Variants in SLC1A2 observed in about 807,000 individuals in gnomAD.
SLC1A2 encodes solute carrier family 1 member 2, also known as excitatory amino acid transporter 2.
SLC1A2 carries 15 observed loss-of-function variants against 48.8 expected under a neutral mutation model. That is an observed-to-expected ratio of 0.31 (90% CI 0.21 to 0.47). SLC1A2 has a LOEUF of 0.47. Ranked by LOEUF, SLC1A2 falls within the 20% of genes least tolerant of loss-of-function variation. The pLI is 0.99. For missense variants in SLC1A2, 502 were observed against 730.5 expected (o/e 0.69, Z 3.61); for synonymous variants, 279 against 272.6 (o/e 1.02, Z -0.23).
At chr11:35,286,524 A>G in intron 8 of SLC1A2, 3 of 367,396 alleles carry the variant, frequency 8.2e-6, no homozygotes, top group Non-Finnish European at 1.5e-5. Flanking sequence ...ATCAAATAAT[A>G]TCCAATTTCT....
chr11:35,319,397 G>A (rs1851987893), intron 1 of SLC1A2, among the ~76,000 whole-genome samples: 1 of 152,206 alleles, frequency 6.6e-6, no homozygotes, highest in Non-Finnish European at 1.5e-5. Flanking sequence ...AAAGAATGGA[G>A]GTAGTATGCG....
intron 1 of SLC1A2, among the ~76,000 whole-genome samples, chr11:35,319,265 T>A (rs150141199): frequency 2.9e-4 from 44 of 152,292 alleles, no homozygotes; most frequent in African/African-American, 1.1e-3. Context: ...CAGGGGGAAA[T>A]GATCAAAATG....
chr11:35,321,756 A>T (rs1198906002), intron 1 of SLC1A2, among the ~76,000 whole-genome samples: 2 of 152,154 alleles, frequency 1.3e-5, no homozygotes, highest in Non-Finnish European at 2.9e-5. Flanking sequence ...GAAAGTGCCA[A>T]ATCTGGTCTG....
intron 1 of SLC1A2, chr11:35,418,671 A>G: frequency 4.0e-6 from 2 of 495,908 alleles, no homozygotes; most frequent in East Asian, 3.7e-5. Context: ...AGTAACCTCA[A>G]GAGGATTTCT....
chr11:35,363,286 G>C (rs1438820422), intron 1 of SLC1A2, among the ~76,000 whole-genome samples: 1 of 152,146 alleles, frequency 6.6e-6, no homozygotes, highest in Non-Finnish European at 1.5e-5. Flanking sequence ...GACAATTTTG[G>C]GGTTGTTCCA....
At chr11:35,366,295 C>A (rs1853847833) in intron 1 of SLC1A2, among the ~76,000 whole-genome samples, 1 of 152,122 alleles carries the variant, frequency 6.6e-6, no homozygotes, top group South Asian at 2.1e-4. Context: ...CGTCCCTCCT[C>A]TCTGTCCCTC....
intron 10 of SLC1A2, chr11:35,261,932 C>T: frequency 2.6e-6 from 1 of 389,222 alleles, no homozygotes; most frequent in Admixed American, 4.5e-5. Flanking sequence ...TATCCAATCC[C>T]CATTAGCCCC....
At position 35,306,205 on chromosome 11, in the gene SLC1A2, G is replaced by A. The variant is rs200531195; in HGVS notation, c.599C>T (p.Pro200Leu). 8 of 1,613,746 alleles carry A rather than the reference G, an allele frequency of 5.0e-6. No homozygotes were observed. The highest frequency in any genetic ancestry group is 2.2e-5 in the East Asian group (1 of 44,878). The stretch of plus-strand genomic sequence containing the variant: ...GGTTGCGTTGGCCTCCTCGTCCGGC[G>A]GTGGTGCAACCAGGACTTTCTTCGT... ...TVTKKVLVAP[P>L]PDEEANATSA... Residue 200 changes from proline to leucine, a missense_variant, in exon 5 of 11, where the codon CCG becomes CTG. By Grantham distance (98) the Pro-to-Leu change is moderately conservative (BLOSUM62 -3). This residue lies in a region of SLC1A2 where 309 missense variants were observed against 480.3 expected (regional missense o/e 0.64). Transcript: ENST00000278379.
intron 5 of SLC1A2, 135 bp downstream of exon 5, chr11:35,305,939 C>T (rs1350210765): frequency 2.9e-6 from 2 of 686,914 alleles, no homozygotes; most frequent in Admixed American, 5.7e-5. Context: ...GTCCCAGTGA[C>T]CCTCAAATTG....
At chr11:35,391,891 G>A (rs1339419751) in intron 1 of SLC1A2, among the ~76,000 whole-genome samples, 3 of 152,058 alleles carry the variant, frequency 2.0e-5, no homozygotes, top group African/African-American at 4.8e-5. Context: ...CACTTTGGGG[G>A]AAAAAGGAGC....
intron 1 of SLC1A2, among the ~76,000 whole-genome samples, chr11:35,412,428 G>A (rs528206942): frequency 1.2e-4 from 18 of 152,294 alleles, no homozygotes; most frequent in African/African-American, 3.8e-4. Flanking sequence ...AATGCCATGG[G>A]AATTGGGATT....
intron 1 of SLC1A2, among the ~76,000 whole-genome samples, chr11:35,318,103 G>T (rs1456426075): frequency 6.6e-6 from 1 of 152,102 alleles, no homozygotes; most frequent in African/African-American, 2.4e-5. Flanking sequence ...CTTTTAAAAG[G>T]CCACCTACAT....
intron 1 of SLC1A2, among the ~76,000 whole-genome samples, chr11:35,332,679 T>C (rs1565251525): frequency 6.6e-6 from 1 of 152,146 alleles, no homozygotes; most frequent in Non-Finnish European, 1.5e-5. Flanking sequence ...TTTTTTGCCA[T>C]GGACAATCAT....
intron 1 of SLC1A2, among the ~76,000 whole-genome samples, chr11:35,347,524 C>T (rs1475845488): frequency 2.6e-5 from 4 of 152,190 alleles, no homozygotes; most frequent in Non-Finnish European, 4.4e-5. Flanking sequence ...AATCCAGATT[C>T]AAAGTGAATG....
intron 1 of SLC1A2, among the ~76,000 whole-genome samples, chr11:35,346,023 T>C (rs1174091146): frequency 1.3e-5 from 2 of 152,194 alleles, no homozygotes; most frequent in East Asian, 1.9e-4. Context: ...TCATTAAGCA[T>C]AAGAGCTGCA....
chr11:35,311,666 G>A (rs1851691492), intron 4 of SLC1A2, among the ~76,000 whole-genome samples: 1 of 152,012 alleles, frequency 6.6e-6, no homozygotes, highest in African/African-American at 2.4e-5. Context: ...CCAAGCTCCA[G>A]ATTCATCTCT....
chr11:35,354,551 G>A (rs1853386569), intron 1 of SLC1A2, among the ~76,000 whole-genome samples: 1 of 152,108 alleles, frequency 6.6e-6, no homozygotes, highest in South Asian at 2.1e-4. Context: ...TTTCTCTTTT[G>A]CCCTAACACA....
chr11:35,307,112 C>T (rs1480854576), intron 4 of SLC1A2: 1 of 152,022 alleles, frequency 6.6e-6, no homozygotes, highest in African/African-American at 2.4e-5. Context: ...AATAGGAAGC[C>T]TTGGCAGGGG....
chr11:35,326,647 C>G (rs1852261823), intron 1 of SLC1A2, among the ~76,000 whole-genome samples: 1 of 152,206 alleles, frequency 6.6e-6, no homozygotes, highest in Non-Finnish European at 1.5e-5. Context: ...CAATCCCAAG[C>G]AAGAAGGCAA....
Sources: allele counts gnomAD v4.1 joint callset (sites outside exome capture counted in the v4.1 genomes callset), GRCh38; gene constraint gnomAD v4.1.1; regional missense constraint gnomAD v4.1.1; transcripts MANE v1.5; gene names NCBI Gene and HGNC (gene_info 2026-07-23, HGNC 2026-07-21).